The following FGD3 variants were observed in gnomAD, a reference collection of about 807,000 sequenced individuals.
The protein encoded by FGD3 is FYVE, RhoGEF and PH domain containing 3, also known as FYVE, RhoGEF and PH domain-containing protein 3.
In FGD3, 45 loss-of-function variants were observed where a neutral mutation model predicts 71.8. The ratio of observed to expected loss-of-function variants is 0.63; its 90% CI spans 0.49 to 0.80. The LOEUF is 0.80. Among genes scored for constraint, FGD3 ranks in the 30% least tolerant of loss-of-function variants. The pLI, the probability that FGD3 is intolerant of heterozygous loss-of-function variation, is 0.00. For missense variants in FGD3, 844 were observed against 951.5 expected (o/e 0.89, Z 1.49); for synonymous variants, 378 against 392.8 (o/e 0.96, Z 0.44).
chr9:93,015,800 C>T lies in FGD3; in HGVS notation c.1246C>T (p.Arg416Trp), dbSNP rs756508028. The T allele has an allele frequency of 5.0e-6, 8 of 1,614,004 alleles. No homozygotes were observed. Among genetic ancestry groups the T allele is most frequent in the South Asian group, 3.3e-5 (3 of 91,086 alleles). The change falls in exon 10 of 18, where the codon CGG (arginine) becomes TGG (tryptophan). Residue 416 changes from arginine (R) to tryptophan (W), a missense_variant. Arg to Trp is a moderately radical substitution (Grantham distance 101). Transcript: ENST00000375482. ...GCTCATGGGCCAGAAGTTCAGCGTC[C>T]GGGAGAAGATGGACATCTCAGGCCT... ...LRLMGQKFSV[R>W]EKMDISGLQV...
intron 3 of FGD3, 119 bp downstream of exon 3, chr9:92,976,828 T>A: frequency 8.6e-7 from 1 of 1,160,004 alleles, no homozygotes; most frequent in Non-Finnish European, 1.2e-6. Context: ...CACAGGCTCG[T>A]GCTGTGTGCA....
rs760017502 is a variant in FGD3, at chr9:93,015,774, G to A, written c.1220G>A (p.Arg407Gln). The change falls in exon 10 of 18, where the codon CGG becomes CAG. Residue 407 changes from arginine to glutamine, a missense_variant. Physicochemically the swap from Arg to Gln is conservative, Grantham distance 43. Coordinates refer to ENST00000375482, the MANE Select transcript of FGD3 (RefSeq NM_001083536.2). ...ATCCTTTACTGTGTGCCCAAGCTGC[G>A]GCTCATGGGCCAGAAGTTCAGCGTC... ...SMILYCVPKL[R>Q]LMGQKFSVRE... is the part of the protein sequence containing the mutation. The A allele has an allele frequency of 6.8e-6, 11 of 1,613,988 alleles. No homozygotes were observed. The highest frequency in any genetic ancestry group is 6.7e-5 in the East Asian group (3 of 44,890).
At chr9:92,968,607 C>CT (rs55908030) in intron 1 of FGD3, among the ~76,000 whole-genome samples, 7,686 of 142,978 alleles carry the variant, frequency 0.054, 282 homozygotes, top group East Asian at 0.14. Context: ...TTCTTTCTTT[C>CT]TTTTTTTTTT....
Position 93,006,070 on chromosome 9 carries a change from T to A in FGD3, c.727T>A (p.Phe243Ile). 1 of 1,613,122 alleles carries A rather than the reference T, an allele frequency of 6.2e-7. No individual in the cohort carries two copies. Among genetic ancestry groups the A allele is most frequent in the East Asian group, 2.2e-5 (1 of 44,802 alleles). ...GGACATCCTGCAGAAGCTGGCCCCA[T>A]TCCTGAAGATGTACGGCGAGTATGT... ...LGDILQKLAP[F>I]LKMYGEYVKN... is the part of the protein sequence containing the mutation. The change falls in exon 6 of 18, where the codon TTC becomes ATC. Residue 243 changes from phenylalanine to isoleucine, a missense_variant. By Grantham distance (21) the Phe-to-Ile change is conservative (BLOSUM62 0). Transcript: ENST00000375482.
intron 7 of FGD3, among the ~76,000 whole-genome samples, chr9:93,010,619 AGG>A (rs1861290736): frequency 7.3e-6 from 1 of 136,726 alleles, no homozygotes; most frequent in Non-Finnish European, 1.6e-5. Flanking sequence ...AACAGAGGGG[AGG>A]AGAGAGAGAC....
chr9:93,001,471 ATT>A (rs1317747634), intron 3 of FGD3, among the ~76,000 whole-genome samples: 1 of 152,054 alleles, frequency 6.6e-6, no homozygotes, highest in African/African-American at 2.4e-5. Flanking sequence ...TGGAGTGATT[ATT>A]TCTATCTTAT....
intron 3 of FGD3, among the ~76,000 whole-genome samples, chr9:92,993,782 A>G (rs980287118): frequency 2.0e-5 from 3 of 152,246 alleles, no homozygotes; most frequent in African/African-American, 7.2e-5. Flanking sequence ...ATGTCCCTAC[A>G]AAGGACATGA....
Position 93,035,405 on chromosome 9 carries a change from G to A in FGD3, c.1994G>A (p.Arg665Lys), listed in dbSNP as rs2118854538. 13 of 1,611,954 alleles carry A rather than the reference G, an allele frequency of 8.1e-6. No individual in the cohort carries two copies. The highest frequency in any genetic ancestry group is 1.1e-5 in the Non-Finnish European group (13 of 1,179,354). The change falls in exon 18 of 18, where the codon AGG (arginine) becomes AAG (lysine). Residue 665 changes from arginine (R) to lysine (K), a missense_variant. Physicochemically the swap from Arg to Lys is conservative, Grantham distance 26 (BLOSUM62 2). Coordinates refer to ENST00000375482, the MANE Select transcript of FGD3 (RefSeq NM_001083536.2). The part of the protein sequence containing the change: ...CKLSVPDPEE[R>K]LDSGHVWKLQ... ...CTGAGTGTGCCGGACCCTGAGGAGA[G>A]GCTGGACTCGGGGCATGTGTGGAAG...
chr9:93,018,892 C>G (rs2118785201), intron 11 of FGD3, among the ~76,000 whole-genome samples: 1 of 152,232 alleles, frequency 6.6e-6, no homozygotes, highest in Non-Finnish European at 1.5e-5. Flanking sequence ...CGCTCCCAGG[C>G]TGGAGTGCAG....
At chr9:93,034,418 C>A (rs1862503564) in intron 16 of FGD3, 123 bp from the exon 17 acceptor site, 4 of 1,326,982 alleles carry the variant, frequency 3.0e-6, no homozygotes. Flanking sequence ...CTGTGCAGAT[C>A]TTGGCCATGT....
In FGD3 at chr9:92,975,411, G is replaced by A. The variant is rs1159272167; in HGVS notation, c.-50+6G>A. The A allele has an allele frequency of 1.3e-5, 2 of 152,266 alleles. No homozygotes were observed. The highest frequency in any genetic ancestry group is 4.8e-5 in the African/African-American group (2 of 41,454). 9.4% of individuals were successfully genotyped at this position (152,266 alleles called of 1,614,324 possible). On this transcript the variant is annotated splice_donor_region_variant and intron_variant, in intron 2 of 17. Transcript: ENST00000375482. The stretch of plus-strand genomic sequence containing the variant: ...AGAAAGGCTGGTGGCATCAGGTATG[G>A]GGATAAGTGACCGCCACTTGCAGCC...
chr9:92,966,590 C>A (rs1859335702), intron 1 of FGD3, among the ~76,000 whole-genome samples: 1 of 152,262 alleles, frequency 6.6e-6, no homozygotes. Context: ...ACCTGTGGGC[C>A]CTGCCCGGGG....
chr9:93,014,715 C>T (rs767721086), intron 9 of FGD3, among the ~76,000 whole-genome samples: 21 of 152,164 alleles, frequency 1.4e-4, no homozygotes, highest in Non-Finnish European at 1.9e-4. Context: ...AATCTCGGCT[C>T]ACTGTAACCT....
chr9:92,965,794 G>T (rs942836963), intron 1 of FGD3, among the ~76,000 whole-genome samples: 2 of 152,204 alleles, frequency 1.3e-5, no homozygotes, highest in East Asian at 1.9e-4. Flanking sequence ...TGGTGCATGT[G>T]CTGGGAGCTC....
chr9:93,018,147 C>T lies in FGD3; in HGVS notation c.1287C>T (p.Ile429=), dbSNP rs186884438. The change falls in exon 11 of 18, where the codon ATC becomes ATT. Residue 429 remains isoleucine (I), a synonymous_variant. Coordinates refer to ENST00000375482, the MANE Select transcript of FGD3 (RefSeq NM_001083536.2). ...MDISGLQVQD[I]VKPNTAHTFI... ...TCTTGCCCCTTCAGGTGCAGGATAT[C>T]GTCAAGCCAAACACAGCACATACAT... 64 of 1,614,050 alleles carry T rather than the reference C, an allele frequency of 4.0e-5. No homozygotes were observed. The highest frequency in any genetic ancestry group is 1.6e-4 in the Middle Eastern group (1 of 6,062).
At chr9:93,032,910 G>T in intron 16 of FGD3, 37 bp downstream of exon 16, 1 of 1,571,000 alleles carries the variant, frequency 6.4e-7, no homozygotes, top group Non-Finnish European at 8.8e-7. Context: ...TCCTGGTGGC[G>T]CGGCAGAGCC....
chr9:93,008,701 C>T (rs1293669362), intron 6 of FGD3, among the ~76,000 whole-genome samples: 2 of 152,210 alleles, frequency 1.3e-5, no homozygotes, highest in Admixed American at 6.5e-5. Flanking sequence ...TGGTAGCTCA[C>T]GCCTCTAATC....
intron 3 of FGD3, among the ~76,000 whole-genome samples, chr9:92,982,173 T>C (rs926840015): frequency 1.3e-5 from 2 of 152,238 alleles, no homozygotes; most frequent in Non-Finnish European, 2.9e-5. Flanking sequence ...TATTCTCTGC[T>C]GTACTTTTTA....
chr9:93,023,801 T>C (rs961899974), intron 14 of FGD3, among the ~76,000 whole-genome samples: 2 of 92,822 alleles, frequency 2.2e-5, no homozygotes, highest in Non-Finnish European at 4.6e-5. Flanking sequence ...GCAACTTTTT[T>C]TTTTTTTTTT....
Sources: allele counts gnomAD v4.1 joint callset (sites outside exome capture counted in the v4.1 genomes callset), GRCh38; gene constraint gnomAD v4.1.1; transcripts MANE v1.5; gene names NCBI Gene and HGNC (gene_info 2026-07-23, HGNC 2026-07-21).